Variants in CHM observed in about 807,000 individuals in gnomAD.
CHM encodes CHM Rab escort protein.
In CHM, 10 loss-of-function variants were observed where a neutral mutation model predicts 49.0. The ratio of observed to expected loss-of-function variants is 0.20; its 90% CI spans 0.13 to 0.35. The LOEUF (loss-of-function observed/expected upper bound fraction) is 0.35, where lower values mean the gene tolerates loss of function less well. Ranked by LOEUF, CHM falls within the 10% of genes least tolerant of loss-of-function variation. The probability of loss-of-function intolerance (pLI) is 1.00; values close to 1 mark genes in which losing one functional copy is unlikely to be tolerated. For missense variants in CHM, 455 were observed against 478.4 expected, an observed-to-expected ratio of 0.95 and a Z score of 0.46; for synonymous variants, 184 against 167.5, an observed-to-expected ratio of 1.10 and a Z score of -0.76.
chrX:85,867,866 C>T (rs73504266), intron 14 of CHM, among the ~76,000 whole-genome samples: 8,795 of 111,718 alleles, frequency 0.079, 745 homozygotes, highest in African/African-American at 0.26. Flanking sequence ...AGGGTATGTT[C>T]TTGGACATGC....
chrX:85,876,138 G>A (rs1173761822), intron 13 of CHM, among the ~76,000 whole-genome samples: 2 of 111,317 alleles, frequency 1.8e-5, no homozygotes, highest in Non-Finnish European at 3.8e-5. Context: ...ATCACTAATC[G>A]CTGGGGGAGA....
intron 2 of CHM, among the ~76,000 whole-genome samples, chrX:86,018,923 G>A (rs1933418434): frequency 8.9e-6 from 1 of 112,092 alleles, no homozygotes; most frequent in Admixed American, 9.5e-5. Context: ...TTATAAAAAG[G>A]CAACATGAGA....
chrX:85,981,358 T>C (rs755468968), intron 3 of CHM, among the ~76,000 whole-genome samples: 2 of 105,983 alleles, frequency 1.9e-5, no homozygotes, highest in Admixed American at 2.0e-4. Flanking sequence ...CTCAGCCTCC[T>C]GAGTAGCTGG....
chrX:85,975,701 G>A (rs1931216532), intron 4 of CHM, among the ~76,000 whole-genome samples: 1 of 112,398 alleles, frequency 8.9e-6, no homozygotes. Flanking sequence ...AAAAATAATA[G>A]TAGGGGTCCT....
intron 5 of CHM, 147 bp from the exon 6 acceptor site, chrX:85,959,124 C>T (rs1930161225): frequency 1.3e-6 from 1 of 781,309 alleles, no homozygotes; most frequent in Non-Finnish European, 1.8e-6. Context: ...CAATCTATTA[C>T]AGGCTCAGAA....
intron 9 of CHM, among the ~76,000 whole-genome samples, chrX:85,907,216 T>C (rs746171410): frequency 2.7e-5 from 3 of 112,345 alleles, no homozygotes; most frequent in Non-Finnish European, 5.6e-5. Context: ...AATATATTCC[T>C]GACATCAAGA....
chrX:85,913,932 G>A (rs749550433), intron 8 of CHM, among the ~76,000 whole-genome samples: 1 of 111,262 alleles, frequency 9.0e-6, no homozygotes, highest in South Asian at 3.9e-4. Flanking sequence ...TACGGAGAAA[G>A]AATGCAGGCC....
At chrX:85,972,521 C>T (rs1930992386) in intron 4 of CHM, among the ~76,000 whole-genome samples, 1 of 113,253 alleles carries the variant, frequency 8.8e-6, no homozygotes, top group South Asian at 3.5e-4. Context: ...GCAGCTAAGG[C>T]CCGGTGAGAA....
At chrX:86,015,643 T>C (rs1444750639) in intron 2 of CHM, among the ~76,000 whole-genome samples, 2 of 111,879 alleles carry the variant, frequency 1.8e-5, no homozygotes, top group African/African-American at 6.5e-5. Context: ...ATATGGACAA[T>C]AAGGTCTGGG....
chrX:85,935,286 A>G (rs931708297), intron 8 of CHM, among the ~76,000 whole-genome samples: 1 of 111,758 alleles, frequency 8.9e-6, no homozygotes, highest in Non-Finnish European at 1.9e-5. Context: ...GCCATTCATA[A>G]GGAATCCACC....
chrX:86,041,240 G>A (rs933480847), intron 1 of CHM, among the ~76,000 whole-genome samples: 2 of 111,525 alleles, frequency 1.8e-5, no homozygotes, highest in African/African-American at 6.5e-5. Flanking sequence ...TCTCTCTGAG[G>A]TATTGGCTCA....
chrX:85,934,272 G>A lies in CHM; in HGVS notation c.1166+21881C>T, dbSNP rs766621029. 8.1e-5 allele frequency among the ~76,000 whole-genome samples: 8 copies of A among 98,448 alleles called. No homozygotes were observed. In the East Asian group the frequency reaches 1.3e-3, roughly 16 times the overall value. The allele number at this position is 98,448 out of a possible 115,157, so 85.5% of individuals were successfully genotyped here. On this transcript the variant is annotated intron_variant, in intron 8 of 14. Transcript: ENST00000357749. ...TGGAATTACAGGCATGAGCCACTGC[G>A]CTCAGCCTTTTTTTTTTTTTTTTTT...
intron 1 of CHM, among the ~76,000 whole-genome samples, chrX:86,036,836 C>T (rs988929515): frequency 9.0e-6 from 1 of 111,293 alleles, no homozygotes; most frequent in African/African-American, 3.3e-5. Context: ...AAAATCAGAG[C>T]TTAGTCCTCA....
intron 2 of CHM, among the ~76,000 whole-genome samples, chrX:86,008,246 G>A (rs1294114831): frequency 3.6e-5 from 4 of 111,040 alleles, no homozygotes; most frequent in African/African-American, 6.6e-5. Flanking sequence ...ATCACACACC[G>A]GGGCCTGTCG....
intron 8 of CHM, among the ~76,000 whole-genome samples, chrX:85,953,566 A>G (rs1384359181): frequency 8.9e-6 from 1 of 111,793 alleles, no homozygotes; most frequent in Non-Finnish European, 1.9e-5. Context: ...ACTGGCATAA[A>G]AACAGACACA....
chrX:85,990,842 A>G (rs911970325), intron 2 of CHM, among the ~76,000 whole-genome samples: 2 of 111,968 alleles, frequency 1.8e-5, no homozygotes, highest in Non-Finnish European at 3.8e-5. Flanking sequence ...ATTGTGCATC[A>G]TAATTACAAT....
intron 4 of CHM, among the ~76,000 whole-genome samples, chrX:85,978,299 G>A (rs955456919): frequency 3.6e-5 from 4 of 111,408 alleles, no homozygotes; most frequent in African/African-American, 1.3e-4. Flanking sequence ...GCTACACTGA[G>A]TATTATCTAA....
At chrX:86,035,596 C>T (rs978884440) in intron 1 of CHM, among the ~76,000 whole-genome samples, 31 of 109,982 alleles carry the variant, frequency 2.8e-4, no homozygotes, top group African/African-American at 9.9e-4. Flanking sequence ...AAGGAGGGCA[C>T]GTGATGTAAG....
At chrX:85,908,248 A>C (rs926725401) in intron 9 of CHM, among the ~76,000 whole-genome samples, 1 of 111,928 alleles carries the variant, frequency 8.9e-6, no homozygotes, top group African/African-American at 3.2e-5. Context: ...TACAATGTCA[A>C]GGTTTTTCCC....
Sources: gnomAD v4.1 joint callset for allele counts (sites outside exome capture counted in the v4.1 genomes callset) on GRCh38, gnomAD v4.1.1 for gene constraint, MANE v1.5 for transcripts, NCBI Gene and HGNC (gene_info 2026-07-23, HGNC 2026-07-21) for gene names.